ANKRD31: variants seen among roughly 807,000 people sequenced by gnomAD.
ANKRD31 encodes the protein ankyrin repeat domain 31.
In ANKRD31, 147 loss-of-function variants were observed where a neutral mutation model predicts 186.0. The observed-to-expected ratio is 0.79, with a 90% confidence interval of 0.69 to 0.91. The LOEUF (loss-of-function observed/expected upper bound fraction) is 0.91, where lower values mean the gene tolerates loss of function less well. Among genes scored for constraint, ANKRD31 ranks in the 40% least tolerant of loss-of-function variants. The pLI, the probability that ANKRD31 is intolerant of heterozygous loss-of-function variation, is 0.00. For synonymous variants in ANKRD31, 673 were observed against 736.4 expected (o/e 0.91, Z 1.39); for missense variants, 1,986 against 2,148.8 (o/e 0.92, Z 1.50).
Position 75,097,887 on chromosome 5 carries a change from T to C in ANKRD31, c.5331+6341A>G, listed in dbSNP as rs913154333. Among the ~76,000 whole-genome samples the C allele has an allele frequency of 6.8e-4, 104 of 152,222 alleles. 4 individuals carry two copies. Among genetic ancestry groups the C allele is most frequent in the Non-Finnish European group, 2.5e-4 (17 of 68,036 alleles). ...AGTTTTCTATATATGGCTAGCCAGTTTTCCCAGAACCATTTATTAAATAGG... is the reference window on the plus strand; with the variant it reads ...AGTTTTCTATATATGGCTAGCCAGTCTTCCCAGAACCATTTATTAAATAGG... On this transcript the variant is annotated intron_variant, in intron 22 of 25. Transcript: ENST00000506364.
intron 4 of ANKRD31, among the ~76,000 whole-genome samples, chr5:75,208,117 T>C (rs1756372975): frequency 6.6e-6 from 1 of 152,186 alleles, no homozygotes; most frequent in African/African-American, 2.4e-5. Context: ...TTTAATAATC[T>C]CTTTAATGTG....
chr5:75,143,164 T>G (rs1292825967), intron 15 of ANKRD31, among the ~76,000 whole-genome samples: 2 of 152,118 alleles, frequency 1.3e-5, no homozygotes, highest in Non-Finnish European at 2.9e-5. Flanking sequence ...ATTTCTTCTG[T>G]GTGTTTCAAA....
intron 24 of ANKRD31, 142 bp downstream of exon 24, chr5:75,084,130 A>T: frequency 1.5e-6 from 1 of 653,674 alleles, no homozygotes; most frequent in Non-Finnish European, 2.6e-6. Context: ...AATGCCACTG[A>T]ATTGTTCACC....
In ANKRD31 at chr5:75,216,924, C is replaced by T. The variant is rs185762701; in HGVS notation, c.288+5325G>A. Among the ~76,000 whole-genome samples, 14 of 152,252 alleles carry T rather than the reference C, an allele frequency of 9.2e-5. No homozygotes were observed. In the East Asian group the frequency reaches 2.3e-3, roughly 25 times the overall value. On this transcript the variant is annotated intron_variant, in intron 3 of 25. Transcript: ENST00000506364. ...CCCCAGAGATTCTGGTATGTTGTGT[C>T]TTTGCTCTCATTAATTTCAAAGAAT...
chr5:75,193,590 G>C lies in ANKRD31; in HGVS notation c.1019C>G (p.Thr340Ser), dbSNP rs1561524669. The C allele has an allele frequency of 1.3e-6, 2 of 1,531,626 alleles. No individual in the cohort carries two copies. The highest frequency in any genetic ancestry group is 1.7e-6 in the Non-Finnish European group (2 of 1,143,732). The allele number at this position is 1,531,626 out of a possible 1,614,324, so 94.9% of individuals were successfully genotyped here. A position where few individuals can be genotyped will look rare whatever the true frequency, so the allele number is the denominator to read the frequency against. The change falls in exon 8 of 26, where the codon ACT (threonine) becomes AGT (serine). Residue 340 changes from threonine (T) to serine (S), a missense_variant and splice_region_variant. Thr to Ser is a moderately conservative substitution (Grantham distance 58). Coordinates refer to ENST00000506364, the MANE Select transcript of ANKRD31 (RefSeq NM_001372053.1). Reference sequence around the variant, plus strand: ...TCCAGATGGATTTGGGTCTTGCAGAGTCTGCAAATACGTAAATACATCCAC... The same window carrying C: ...TCCAGATGGATTTGGGTCTTGCAGACTCTGCAAATACGTAAATACATCCAC... Reference protein sequence around the residue: ...TNEDCTQIAETLQDPNPSGLQ... With the variant: ...TNEDCTQIAESLQDPNPSGLQ...
chr5:75,149,776 C>T (rs371827535), intron 12 of ANKRD31, among the ~76,000 whole-genome samples: 8 of 151,858 alleles, frequency 5.3e-5, no homozygotes, highest in Non-Finnish European at 4.4e-5. Flanking sequence ...AGAGAAAGTG[C>T]TCCATTATTA....
intron 22 of ANKRD31, among the ~76,000 whole-genome samples, chr5:75,103,260 A>G: frequency 6.6e-6 from 1 of 152,186 alleles, no homozygotes; most frequent in East Asian, 1.9e-4. Context: ...GCTCAACATC[A>G]CTGATCATTA....
chr5:75,132,805 A>T (rs1749982769), intron 17 of ANKRD31, among the ~76,000 whole-genome samples: 2 of 152,214 alleles, frequency 1.3e-5, no homozygotes, highest in African/African-American at 4.8e-5. Context: ...CCATCAGACT[A>T]ACAGTGGATC....
chr5:75,138,911 C>T lies in ANKRD31; in HGVS notation c.3668G>A (p.Gly1223Glu). 6.5e-7 allele frequency: 1 copy of T among 1,536,882 alleles called. No homozygotes were observed. The highest frequency in any genetic ancestry group is 1.4e-5 in the African/African-American group (1 of 73,128). Residue 1223 changes from glycine to glutamate, a missense_variant, in exon 16 of 26, where the codon GGA becomes GAA. Transcript: ENST00000506364. ...CAGGGCTTTCACTAGGGGCAGATTT[C>T]CTCTTCTGACAGCTAAATGAAGCTG... ...ESQLHLAVRR[G>E]NLPLVKALIE...
chr5:75,106,866 T>A (rs923536364), intron 21 of ANKRD31, among the ~76,000 whole-genome samples: 1 of 151,650 alleles, frequency 6.6e-6, no homozygotes, highest in African/African-American at 2.4e-5. Context: ...TAAAATAAGT[T>A]CAGAAAAAAA....
chr5:75,080,477 A>G, intron 25 of ANKRD31, 91 bp downstream of exon 25: 1 of 828,646 alleles, frequency 1.2e-6, no homozygotes, highest in Non-Finnish European at 1.8e-6. Flanking sequence ...TATGCATAAT[A>G]TTTGACAATC....
intron 17 of ANKRD31, among the ~76,000 whole-genome samples, chr5:75,129,339 T>C (rs914791743): frequency 6.6e-6 from 1 of 152,222 alleles, no homozygotes; most frequent in Admixed American, 6.5e-5. Context: ...TAGTTTTTTA[T>C]AGCAATGCAA....
chr5:75,159,264 C>G (rs753147195), intron 11 of ANKRD31, among the ~76,000 whole-genome samples: 3 of 151,254 alleles, frequency 2.0e-5, no homozygotes, highest in Non-Finnish European at 4.4e-5. Context: ...CAACAACATA[C>G]ACATTACAGG....
At chr5:75,150,240 G>T (rs1481555659) in intron 12 of ANKRD31, among the ~76,000 whole-genome samples, 1 of 151,712 alleles carries the variant, frequency 6.6e-6, no homozygotes. Flanking sequence ...TATAAAGTTA[G>T]GACTGAACCC....
chr5:75,094,731 G>A (rs574392339), intron 22 of ANKRD31, among the ~76,000 whole-genome samples: 18 of 152,022 alleles, frequency 1.2e-4, no homozygotes, highest in Non-Finnish European at 2.5e-4. Flanking sequence ...TAGTCAAAAG[G>A]CAGAGATTAT....
In ANKRD31 at chr5:75,146,625, T is replaced by G; in HGVS notation, c.2786A>C (p.Asn929Thr). The change falls in exon 14 of 26, where the codon AAT becomes ACT. Residue 929 changes from asparagine to threonine, a missense_variant. Coordinates refer to ENST00000506364, the MANE Select transcript of ANKRD31 (RefSeq NM_001372053.1). ...TTTATTTGTTAAATTCTCCTTAAAA[T>G]TATAGTGTTTTTTGCCACCTGTAGA... ...LCSTGGKKHY[N>T]FKENLTNKKE... The G allele has an allele frequency of 2.0e-6, 3 of 1,535,658 alleles. No individual in the cohort carries two copies. The highest frequency in any genetic ancestry group is 2.6e-6 in the Non-Finnish European group (3 of 1,146,168).
chr5:75,129,997 TC>T (rs1749628980), intron 17 of ANKRD31, among the ~76,000 whole-genome samples: 1 of 152,184 alleles, frequency 6.6e-6, no homozygotes, highest in Non-Finnish European at 1.5e-5. Context: ...CTCTCTGACT[TC>T]AAGAATGAAG....
At position 75,131,260 on chromosome 5, in the gene ANKRD31, C is replaced by T. The variant is rs534476483; in HGVS notation, c.3876+6596G>A. 6.3e-4 allele frequency among the ~76,000 whole-genome samples: 96 copies of T among 152,304 alleles called. 1 individual carries two copies. The highest frequency in any genetic ancestry group is 2.1e-3 in the African/African-American group (88 of 41,578). On this transcript the variant is annotated intron_variant, in intron 17 of 25. Coordinates refer to ENST00000506364, the MANE Select transcript of ANKRD31 (RefSeq NM_001372053.1). ...ACGGCAGGCTGAAGGGCCCCTGGAG[C>T]GTGGCAAGAGTGGATGCCGAGGCCG...
At chr5:75,229,649 G>A (rs529752789) in intron 2 of ANKRD31, among the ~76,000 whole-genome samples, 121 of 152,082 alleles carry the variant, frequency 8.0e-4, no homozygotes, top group Admixed American at 1.4e-3. Flanking sequence ...GGCAGATCAC[G>A]AGGTCAGGAG....
Sources: allele counts gnomAD v4.1 joint callset (sites outside exome capture counted in the v4.1 genomes callset), GRCh38; gene constraint gnomAD v4.1.1; transcripts MANE v1.5; gene names NCBI Gene and HGNC (gene_info 2026-07-23, HGNC 2026-07-21).